GDA: variants seen among roughly 807,000 people sequenced by gnomAD.
GDA encodes the protein guanine deaminase, also known as cytoplasmic PSD-95 interactor.
GDA carries 18 observed loss-of-function variants against 59.6 expected under a neutral mutation model. The observed-to-expected ratio is 0.30, with a 90% CI of 0.21 to 0.45. The LOEUF (loss-of-function observed/expected upper bound fraction) is 0.45, where lower values mean the gene tolerates loss of function less well. Ranked by LOEUF, GDA falls within the 20% of genes least tolerant of loss-of-function variation. The pLI is 1.00. For missense variants in GDA, 427 were observed against 552.3 expected (o/e 0.77, Z 2.27); for synonymous variants, 201 against 201.1 (o/e 1.00, Z 0.00).
chr9:72,252,717 T>G, downstream of GDA, among the ~76,000 whole-genome samples: 1 of 152,222 alleles, frequency 6.6e-6, no homozygotes, highest in East Asian at 1.9e-4. Flanking sequence ...AGGAATCACC[T>G]GCAATTCAGA....
chr9:72,231,114 G>A lies in GDA; in HGVS notation c.921G>A (p.Ser307=), dbSNP rs1320052303. 1.3e-6 allele frequency: 2 copies of A among 1,565,070 alleles called. No individual in the cohort carries two copies. The highest frequency in any genetic ancestry group is 1.8e-6 in the Non-Finnish European group (2 of 1,135,476). The change falls in exon 10 of 14, where the codon TCG becomes TCA. Residue 307 remains serine (S), a splice_region_variant and synonymous_variant. Transcript: ENST00000358399. Reference sequence around the variant, plus strand: ...GTTCTGACATCTCCTCTCTCTACAGGCTCAGCAGTGGATTTCTAAATGTGC... The same window carrying A: ...GTTCTGACATCTCCTCTCTCTACAGACTCAGCAGTGGATTTCTAAATGTGC... ...SIAHCPNSNL[S]LSSGFLNVLE... is the part of the protein sequence containing the mutation.
chr9:72,168,842 T>C (rs1356462828), intron 1 of GDA, among the ~76,000 whole-genome samples: 1 of 152,218 alleles, frequency 6.6e-6, no homozygotes, highest in African/African-American at 2.4e-5. Context: ...GAGTGCCTTG[T>C]TGAAGGTCAC....
intron 2 of GDA, among the ~76,000 whole-genome samples, chr9:72,200,304 T>G (rs1587614006): frequency 6.6e-6 from 1 of 152,028 alleles, no homozygotes; most frequent in Non-Finnish European, 1.5e-5. Flanking sequence ...CCTCCTCTCC[T>G]TCTTTTCTTC....
chr9:72,258,567 C>A (rs1840910149), downstream of GDA, among the ~76,000 whole-genome samples: 3 of 152,214 alleles, frequency 2.0e-5, no homozygotes, highest in Admixed American at 1.3e-4. Flanking sequence ...TGGAATGGGG[C>A]AGCTGGCCCC....
rs150431252 is a variant in GDA at position 72,207,527 on chromosome 9, G to C, written c.385-3160G>C. Among the ~76,000 whole-genome samples, 7 of 152,222 alleles carry C rather than the reference G, an allele frequency of 4.6e-5. No homozygotes were observed. In the East Asian group the frequency reaches 1.4e-3, roughly 29 times the overall value. ...TTTTAGTAATTCTGCTTCCTCAGGTGTTCATTCAGTAAATATTTACTGAGC... is the reference window on the plus strand; with the variant it reads ...TTTTAGTAATTCTGCTTCCTCAGGTCTTCATTCAGTAAATATTTACTGAGC... On this transcript the variant is annotated intron_variant, in intron 3 of 13. Transcript: ENST00000358399.
At chr9:72,143,473 A>G (rs1430219802) in intron 1 of GDA, among the ~76,000 whole-genome samples, 1 of 152,164 alleles carries the variant, frequency 6.6e-6, no homozygotes, top group Admixed American at 6.5e-5. Flanking sequence ...GGAAGCCGGC[A>G]TCAGCTAAAT....
intron 1 of GDA, among the ~76,000 whole-genome samples, chr9:72,134,108 G>A (rs1175584079): frequency 1.3e-5 from 2 of 152,064 alleles, no homozygotes; most frequent in Non-Finnish European, 2.9e-5. Context: ...GGAAAGGGAA[G>A]GGGCTTGGCA....
intron 1 of GDA, among the ~76,000 whole-genome samples, chr9:72,138,318 G>A (rs1403777717): frequency 6.6e-6 from 1 of 152,150 alleles, no homozygotes; most frequent in East Asian, 1.9e-4. Flanking sequence ...TGATTGCCTT[G>A]AAACGCATGA....
At chr9:72,224,809 CTTTTTTT>C (rs34656645) in intron 7 of GDA, among the ~76,000 whole-genome samples, 1 of 135,986 alleles carries the variant, frequency 7.4e-6, no homozygotes, top group Admixed American at 7.4e-5. Context: ...TAGCCCAACC[CTTTTTTT>C]TTTTTTTTTT....
intron 1 of GDA, among the ~76,000 whole-genome samples, chr9:72,168,031 A>G (rs1358587975): frequency 6.6e-6 from 1 of 152,156 alleles, no homozygotes; most frequent in African/African-American, 2.4e-5. Flanking sequence ...GGGGTACATC[A>G]CCTGGGAGAT....
In GDA at chr9:72,223,240, C is replaced by T; in HGVS notation, c.714+13C>T. The T allele has an allele frequency of 2.1e-6, 3 of 1,458,060 alleles. No individual in the cohort carries two copies. The highest frequency in any genetic ancestry group is 2.9e-6 in the Non-Finnish European group (3 of 1,037,986). 90.3% of individuals were successfully genotyped at this position (1,458,060 alleles called of 1,614,324 possible). A position where few individuals can be genotyped will look rare whatever the true frequency, so the allele number is the denominator to read the frequency against. Reference sequence around the variant, plus strand: ...TTTGCACATTCAGGTGGGTATTCTTCTTCTCTTTATGCCTCTATGCAGACC... The same window carrying T: ...TTTGCACATTCAGGTGGGTATTCTTTTTCTCTTTATGCCTCTATGCAGACC... On this transcript the variant is annotated intron_variant, in intron 7 of 13. Coordinates refer to ENST00000358399, the MANE Select transcript of GDA (RefSeq NM_004293.5).
At chr9:72,231,221 A>T in intron 10 of GDA, 40 bp downstream of exon 10, 1 of 1,007,582 alleles carries the variant, frequency 9.9e-7, no homozygotes, top group Non-Finnish European at 1.6e-6. Flanking sequence ...AAAGTGGTTG[A>T]TTACTGTGTA....
chr9:72,231,044 T>C (rs1344254477), intron 9 of GDA, 70 bp from the exon 10 acceptor site: 14 of 875,002 alleles, frequency 1.6e-5, no homozygotes, highest in Non-Finnish European at 1.8e-5. Context: ...ATCACCGTCA[T>C]TGTTATTAGT....
chr9:72,134,870 A>G (rs557004042), intron 1 of GDA, among the ~76,000 whole-genome samples: 4 of 152,240 alleles, frequency 2.6e-5, no homozygotes, highest in Non-Finnish European at 5.9e-5. Context: ...GCAGTCCTGG[A>G]ACTGTTAGTA....
Position 72,248,358 on chromosome 9 carries a change from A to G in GDA, c.*16A>G. ...CTCAGTGTAAGACCCTCGGGCGTCTACAAAGTTCTCCTGGGATTAGCGTGG... is the reference window on the plus strand; with the variant it reads ...CTCAGTGTAAGACCCTCGGGCGTCTGCAAAGTTCTCCTGGGATTAGCGTGG... On this transcript the variant is annotated 3_prime_UTR_variant, in exon 14 of 14. Transcript: ENST00000358399. 6.2e-7 allele frequency: 1 copy of G among 1,613,664 alleles called. No individual in the cohort carries two copies. Among genetic ancestry groups the G allele is most frequent in the Non-Finnish European group, 8.5e-7 (1 of 1,179,638 alleles).
At chr9:72,244,235 C>T (rs1231982622) in intron 11 of GDA, among the ~76,000 whole-genome samples, 1 of 151,996 alleles carries the variant, frequency 6.6e-6, no homozygotes, top group Non-Finnish European at 1.5e-5. Flanking sequence ...TCCAGTTAAC[C>T]TTCCATGCTT....
rs927476634 is a variant in GDA, at chr9:72,140,732, G to A, written c.-100+25899G>A. ...TGGAAATGACTGTAATTAACTAAAA[G>A]GAAGTACATACCTCACGGCACCAAA... On this transcript the variant is annotated intron_variant, in intron 1 of 13. Transcript: ENST00000545168. Among the ~76,000 whole-genome samples, 14 of 152,146 alleles carry A rather than the reference G, an allele frequency of 9.2e-5. 1 individual carries two copies. The highest frequency in any genetic ancestry group is 3.4e-4 in the African/African-American group (14 of 41,434).
intron 2 of GDA, among the ~76,000 whole-genome samples, chr9:72,201,129 C>T (rs764229276): frequency 1.3e-5 from 2 of 151,988 alleles, no homozygotes; most frequent in Non-Finnish European, 2.9e-5. Context: ...AATACATCCT[C>T]ATGACAGCCC....
At chr9:72,170,619 AAT>A (rs2130945282) in intron 1 of GDA, among the ~76,000 whole-genome samples, 1 of 152,244 alleles carries the variant, frequency 6.6e-6, no homozygotes, top group Admixed American at 6.5e-5. Flanking sequence ...AGCCATTTCA[AAT>A]ATATGTCTCC....
Sources: gnomAD v4.1 joint callset for allele counts (sites outside exome capture counted in the v4.1 genomes callset) on GRCh38, gnomAD v4.1.1 for gene constraint, MANE v1.5 for transcripts, NCBI Gene and HGNC (gene_info 2026-07-23, HGNC 2026-07-21) for gene names.